Variants in TBC1D14 observed in about 807,000 individuals in gnomAD.
TBC1D14 encodes TBC1 domain family, member 14.
A neutral mutation model predicts 79.0 loss-of-function variants in TBC1D14; 26 were observed. That is an observed-to-expected ratio of 0.33 (90% CI 0.24 to 0.46). TBC1D14 has a LOEUF of 0.46. Ranked by LOEUF, TBC1D14 falls within the 20% of genes least tolerant of loss-of-function variation. The pLI is 1.00. For missense variants in TBC1D14, 769 were observed against 887.6 expected (o/e 0.87, Z 1.70); for synonymous variants, 394 against 349.9 (o/e 1.13, Z -1.40).
chr4:6,935,107 G>A (rs1019818947), intron 2 of TBC1D14, among the ~76,000 whole-genome samples: 6 of 152,174 alleles, frequency 3.9e-5, no homozygotes, highest in African/African-American at 1.4e-4. Context: ...GGGTGACAGA[G>A]TAAGTCCCAA....
chr4:6,949,572 A>G (rs1324205678), intron 2 of TBC1D14, among the ~76,000 whole-genome samples: 1 of 151,702 alleles, frequency 6.6e-6, no homozygotes. Context: ...AATCCCAGCT[A>G]CTTGGGAGAC....
chr4:6,925,062 G>A (rs530654853), intron 2 of TBC1D14, among the ~76,000 whole-genome samples: 18 of 152,268 alleles, frequency 1.2e-4, no homozygotes, highest in African/African-American at 4.3e-4. Context: ...GGAGGCTGAG[G>A]TGGGTGGAGC....
At chr4:6,963,207 A>G (rs566979818) in intron 2 of TBC1D14, among the ~76,000 whole-genome samples, 41 of 152,362 alleles carry the variant, frequency 2.7e-4, no homozygotes, top group African/African-American at 8.2e-4. Context: ...GTGCATTTGA[A>G]ATAGTGAAAA....
intron 3 of TBC1D14, among the ~76,000 whole-genome samples, chr4:6,971,620 G>T (rs1178662517): frequency 6.6e-6 from 1 of 152,196 alleles, no homozygotes; most frequent in Non-Finnish European, 1.5e-5. Flanking sequence ...AAATGACCAC[G>T]GGTAGGAGAA....
chr4:6,940,198 C>T (rs1712768600), intron 2 of TBC1D14, among the ~76,000 whole-genome samples: 1 of 152,228 alleles, frequency 6.6e-6, no homozygotes, highest in African/African-American at 2.4e-5. Flanking sequence ...GTCACTCTGG[C>T]CAGTCAGGCG....
At chr4:6,933,390 G>T (rs1051585402) in intron 2 of TBC1D14, among the ~76,000 whole-genome samples, 3 of 149,160 alleles carry the variant, frequency 2.0e-5, no homozygotes, top group Non-Finnish European at 4.4e-5. Flanking sequence ...CTGCAGACTT[G>T]AACTCCCAGG....
At chr4:6,938,741 C>G (rs1003923791) in intron 2 of TBC1D14, among the ~76,000 whole-genome samples, 1 of 152,224 alleles carries the variant, frequency 6.6e-6, no homozygotes. Context: ...CTGTGTGCCT[C>G]GTGGATCCCG....
At chr4:6,972,645 T>C (rs1315791705) in intron 3 of TBC1D14, among the ~76,000 whole-genome samples, 1 of 152,206 alleles carries the variant, frequency 6.6e-6, no homozygotes, top group Non-Finnish European at 1.5e-5. Context: ...TCTGAAGCTA[T>C]GGTTTTTGTT....
chr4:6,917,834 T>C (rs1237158089), intron 1 of TBC1D14, among the ~76,000 whole-genome samples: 1 of 152,224 alleles, frequency 6.6e-6, no homozygotes, highest in Non-Finnish European at 1.5e-5. Flanking sequence ...AAGGGTATTA[T>C]CACGCGGTAG....
chr4:7,010,692 A>G lies in TBC1D14; in HGVS notation c.1558A>G (p.Asn520Asp), dbSNP rs771697364. Residue 520 changes from asparagine (N) to aspartate (D), a missense_variant, in exon 11 of 14, where the codon AAC becomes GAC. Asn to Asp is a conservative substitution (Grantham distance 23, BLOSUM62 1). This residue lies in a region of TBC1D14 where 367 missense variants were observed against 494.4 expected (regional missense o/e 0.74). Coordinates refer to ENST00000409757, the MANE Select transcript of TBC1D14 (RefSeq NM_020773.3). ...CTTCATAGCAGCAGTGTTGATCTTG[A>G]ACTTAGATACTGCAGATGCCTTTAT... ...MSFIAAVLIL[N>D]LDTADAFIAF... 1 of 1,613,658 alleles carries G rather than the reference A, an allele frequency of 6.2e-7. No homozygotes were observed. Among genetic ancestry groups the G allele is most frequent in the Admixed American group, 1.7e-5 (1 of 59,968 alleles).
chr4:6,937,010 C>T (rs927059915), intron 2 of TBC1D14, among the ~76,000 whole-genome samples: 3 of 152,158 alleles, frequency 2.0e-5, no homozygotes, highest in Non-Finnish European at 4.4e-5. Context: ...CTCCGCCTTC[C>T]GGGTTCAAGC....
intron 12 of TBC1D14, among the ~76,000 whole-genome samples, chr4:7,016,467 C>T (rs1048101395): frequency 1.2e-4 from 19 of 152,180 alleles, no homozygotes; most frequent in Non-Finnish European, 1.9e-4. Flanking sequence ...TGCTGGAGGA[C>T]GGGAGGGGAT....
intron 1 of TBC1D14, among the ~76,000 whole-genome samples, chr4:6,916,819 G>A (rs1723437031): frequency 6.6e-6 from 1 of 152,224 alleles, no homozygotes. Context: ...TTTGACTTGT[G>A]TTCAGTGCCT....
intron 2 of TBC1D14, among the ~76,000 whole-genome samples, chr4:6,933,525 C>G (rs201296583): frequency 1.3e-5 from 2 of 151,696 alleles, no homozygotes; most frequent in Non-Finnish European, 2.9e-5. Context: ...AGGCTGGTCT[C>G]GAACTCCTAG....
In TBC1D14 at chr4:7,030,494, CTTTAAG is replaced by C; in HGVS notation, c.*106_*111del. The C allele has an allele frequency of 8.1e-7, 1 of 1,228,250 alleles. No individual in the cohort carries two copies. Among genetic ancestry groups the C allele is most frequent in the Non-Finnish European group, 1.2e-6 (1 of 853,436 alleles). The allele number at this position is 1,228,250 out of a possible 1,614,324, so 76.1% of individuals were successfully genotyped here. On this transcript the variant is annotated 3_prime_UTR_variant, in exon 14 of 14. Coordinates refer to ENST00000409757, the MANE Select transcript of TBC1D14 (RefSeq NM_020773.3). ...CGGGCAGCCGAGAAGAACAGACGCT[CTTTAAG>C]TTTGATTCCTAACACTGGAGTTGGC...
intron 3 of TBC1D14, among the ~76,000 whole-genome samples, chr4:6,983,674 C>A (rs1246118670): frequency 1.3e-5 from 2 of 152,142 alleles, no homozygotes; most frequent in Non-Finnish European, 2.9e-5. Context: ...TATCATACTT[C>A]CACATGATGC....
At chr4:6,910,285 G>C (rs1273182394) in intron 1 of TBC1D14, 2 of 152,266 alleles carry the variant, frequency 1.3e-5, no homozygotes, top group African/African-American at 4.8e-5. Flanking sequence ...CTCCCGGCCT[G>C]AGAAGAGGCG....
chr4:7,029,317 A>G (rs535609986), intron 13 of TBC1D14, among the ~76,000 whole-genome samples: 1 of 152,372 alleles, frequency 6.6e-6, no homozygotes, highest in East Asian at 1.9e-4. Flanking sequence ...GGCAGGTAGC[A>G]CTGTGTTACC....
chr4:6,979,746 TTAAGA>T (rs1450393959), intron 3 of TBC1D14, among the ~76,000 whole-genome samples: 4 of 152,120 alleles, frequency 2.6e-5, no homozygotes, highest in Middle Eastern at 3.4e-3. Context: ...CTAATCAAAA[TTAAGA>T]TAAGTCTATT....
Sources: gnomAD v4.1 joint callset for allele counts (sites outside exome capture counted in the v4.1 genomes callset) on GRCh38, gnomAD v4.1.1 for gene constraint, gnomAD v4.1.1 regional missense constraint, MANE v1.5 for transcripts, NCBI Gene and HGNC (gene_info 2026-07-23, HGNC 2026-07-21) for gene names.